PTP4A1: variants seen among roughly 807,000 people sequenced by gnomAD.
PTP4A1 encodes protein tyrosine phosphatase type IVA 1.
Under a neutral mutation model 20.5 loss-of-function variants are expected in PTP4A1, and 9 were observed. The observed-to-expected ratio is 0.44, with a 90% CI of 0.26 to 0.77. The LOEUF is 0.77. Ranked by LOEUF, PTP4A1 falls within the 30% of genes least tolerant of loss-of-function variation. The probability of loss-of-function intolerance (pLI) is 0.19; values close to 1 mark genes in which losing one functional copy is unlikely to be tolerated. For missense variants in PTP4A1, 137 were observed against 218.8 expected (o/e 0.63, Z 2.36); for synonymous variants, 78 against 67.4 (o/e 1.16, Z -0.77).
rs190197108 is a variant in PTP4A1 at position 63,544,113 on chromosome 6, T to A, written c.-639-6187T>A. On this transcript the variant is annotated intron_variant, in intron 2 of 3. Coordinates refer to the PTP4A1 transcript ENST00000639568. ...TGGTATGCCCTAATTCTACTTACAA[T>A]TGTGGGGAGTAAAGACTACCAGACA... is the stretch of plus-strand genomic sequence containing the variant. 5.9e-5 allele frequency among the ~76,000 whole-genome samples: 9 copies of A among 152,238 alleles called. No homozygotes were observed. In the East Asian group the frequency reaches 1.7e-3, roughly 29 times the overall value.
chr6:63,563,222 A>G (rs1777042110), intron 3 of PTP4A1, among the ~76,000 whole-genome samples: 1 of 152,202 alleles, frequency 6.6e-6, no homozygotes, highest in Admixed American at 6.5e-5. Context: ...ATTTCCTGAT[A>G]TGTGGTGTGA....
At chr6:63,574,244 T>C (rs1271096645) in intron 1 of PTP4A1, among the ~76,000 whole-genome samples, 2 of 152,222 alleles carry the variant, frequency 1.3e-5, no homozygotes, top group African/African-American at 4.8e-5. Context: ...ACAAAGGAGT[T>C]ACACACATTA....
chr6:63,528,097 T>G (rs1775265915), intron 2 of PTP4A1: 1 of 152,192 alleles, frequency 6.6e-6, no homozygotes, highest in East Asian at 1.9e-4. Context: ...AAGTGTGACT[T>G]CCTCACTTCC....
At chr6:63,556,046 T>C (rs1035934478) in intron 3 of PTP4A1, among the ~76,000 whole-genome samples, 6 of 152,110 alleles carry the variant, frequency 3.9e-5, no homozygotes, top group Non-Finnish European at 1.5e-5. Flanking sequence ...ATAAAGACAA[T>C]AGAAATATTT....
At chr6:63,578,637 G>C (rs1778027501) in intron 3 of PTP4A1, 108 bp downstream of exon 3, 1 of 1,403,820 alleles carries the variant, frequency 7.1e-7, no homozygotes, top group Non-Finnish European at 9.5e-7. Context: ...ACCTCAAAAA[G>C]CTAAAAACAA....
intron 5 of PTP4A1, 38 bp downstream of exon 5, chr6:63,579,369 C>G: frequency 1.3e-6 from 2 of 1,482,876 alleles, no homozygotes; most frequent in Non-Finnish European, 1.9e-6. Context: ...TACTCTCTTT[C>G]ATTTCCTTGT....
At chr6:63,536,424 CA>C (rs566180801) in intron 2 of PTP4A1, among the ~76,000 whole-genome samples, 3 of 152,226 alleles carry the variant, frequency 2.0e-5, no homozygotes, top group East Asian at 3.9e-4. Flanking sequence ...ATTTGAAAAC[CA>C]ATCACAAAAG....
At chr6:63,551,220 C>T (rs1377191626) in intron 3 of PTP4A1, among the ~76,000 whole-genome samples, 1 of 151,978 alleles carries the variant, frequency 6.6e-6, no homozygotes, top group Non-Finnish European at 1.5e-5. Flanking sequence ...GGCGCGCCAC[C>T]ACACCTGGCT....
intron 3 of PTP4A1, among the ~76,000 whole-genome samples, chr6:63,561,149 A>T (rs1776931985): frequency 6.6e-6 from 1 of 152,222 alleles, no homozygotes; most frequent in Non-Finnish European, 1.5e-5. Flanking sequence ...GGCCATGAGT[A>T]CAGCCTAACA....
intron 5 of PTP4A1, among the ~76,000 whole-genome samples, chr6:63,579,740 G>T (rs570887018): frequency 6.6e-6 from 1 of 152,286 alleles, no homozygotes; most frequent in South Asian, 2.1e-4. Context: ...GGCTTTTGTA[G>T]TCATCTTCCC....
intron 3 of PTP4A1, among the ~76,000 whole-genome samples, chr6:63,554,907 T>C (rs1341876933): frequency 6.6e-6 from 1 of 152,228 alleles, no homozygotes; most frequent in Non-Finnish European, 1.5e-5. Flanking sequence ...TGGTGTATAG[T>C]AGATTTTCAC....
chr6:63,520,158 C>T (rs1333793554), upstream of PTP4A1, among the ~76,000 whole-genome samples: 1 of 152,194 alleles, frequency 6.6e-6, no homozygotes, highest in Admixed American at 6.6e-5. Flanking sequence ...ACTTTTCTCT[C>T]CTCTGTATGC....
intron 2 of PTP4A1, chr6:63,548,851 C>T: frequency 1.3e-6 from 1 of 760,364 alleles, no homozygotes. Context: ...CTGATAGCTC[C>T]CACTAGCTTA....
At chr6:63,516,821 G>A (rs1384545713), upstream of PTP4A1, among the ~76,000 whole-genome samples, 1 of 152,166 alleles carries the variant, frequency 6.6e-6, no homozygotes, top group South Asian at 2.1e-4. Context: ...CTAGAATATG[G>A]ACATGAAGGC....
At chr6:63,571,791 T>G (rs1301486367), upstream of PTP4A1, 4 of 152,190 alleles carry the variant, frequency 2.6e-5, no homozygotes, top group Non-Finnish European at 5.9e-5. Context: ...TAGGGCTTCG[T>G]CTGCATCAAA....
intron 3 of PTP4A1, among the ~76,000 whole-genome samples, chr6:63,566,921 G>A (rs1349672328): frequency 6.6e-6 from 1 of 152,106 alleles, no homozygotes; most frequent in Admixed American, 6.5e-5. Flanking sequence ...CAATGCTTAC[G>A]GCATCTTCAC....
chr6:63,563,948 T>G (rs1387813283), intron 3 of PTP4A1, among the ~76,000 whole-genome samples: 2 of 152,194 alleles, frequency 1.3e-5, no homozygotes, highest in African/African-American at 4.8e-5. Flanking sequence ...ATTTACTATG[T>G]GCATTAATAT....
intron 1 of PTP4A1, among the ~76,000 whole-genome samples, chr6:63,572,950 G>C (rs564508014): frequency 1.1e-4 from 17 of 152,194 alleles, no homozygotes; most frequent in Admixed American, 9.8e-4. Context: ...GCGGTTGGCC[G>C]CCGGAGGCAC....
At chr6:63,576,099 T>G (rs1481013250) in intron 1 of PTP4A1, among the ~76,000 whole-genome samples, 2 of 149,852 alleles carry the variant, frequency 1.3e-5, no homozygotes, top group African/African-American at 4.9e-5. Flanking sequence ...ATATTATATA[T>G]AGATAGTATA....
Sources: allele counts gnomAD v4.1 joint callset (sites outside exome capture counted in the v4.1 genomes callset), GRCh38; gene constraint gnomAD v4.1.1; transcripts MANE v1.5; gene names NCBI Gene and HGNC (gene_info 2026-07-23, HGNC 2026-07-21).